STARD13: variants seen among roughly 807,000 people sequenced by gnomAD.
The protein encoded by STARD13 is stAR-related lipid transfer protein 13.
STARD13 carries 62 observed loss-of-function variants against 106.4 expected under a neutral mutation model. That is an observed-to-expected ratio of 0.58 (90% CI 0.48 to 0.72). The LOEUF (loss-of-function observed/expected upper bound fraction) is 0.72, where lower values mean the gene tolerates loss of function less well. STARD13 is among the 30% of genes least tolerant of loss of function. STARD13 has a pLI of 0.00. For missense variants in STARD13, 1,387 were observed against 1,424.0 expected, an observed-to-expected ratio of 0.97 and a Z score of 0.42; for synonymous variants, 565 against 553.0, an observed-to-expected ratio of 1.02 and a Z score of -0.31.
At chr13:33,665,961 C>T in the STARD13 span, among the ~76,000 whole-genome samples, 3 of 152,194 alleles carry the variant, frequency 2.0e-5, no homozygotes, top group Non-Finnish European at 4.4e-5. Context: ...AGAATCCATG[C>T]TTGACCACAG....
the STARD13 span, among the ~76,000 whole-genome samples, chr13:33,423,904 T>C: frequency 6.6e-6 from 1 of 152,022 alleles, no homozygotes; most frequent in Non-Finnish European, 1.5e-5. Flanking sequence ...TGAGAACACT[T>C]GGACACAGGG....
the STARD13 span, among the ~76,000 whole-genome samples, chr13:33,505,633 AT>A: frequency 3.3e-5 from 5 of 152,194 alleles, no homozygotes; most frequent in African/African-American, 1.2e-4. Context: ...ATTTAACTAC[AT>A]CTTTTGTTAA....
chr13:33,564,571 T>G, the STARD13 span, among the ~76,000 whole-genome samples: 1 of 146,984 alleles, frequency 6.8e-6, no homozygotes, highest in Non-Finnish European at 1.5e-5. Flanking sequence ...TAAAGAGATA[T>G]CTACACTCCA....
chr13:33,519,287 C>A, the STARD13 span, among the ~76,000 whole-genome samples: 2 of 121,730 alleles, frequency 1.6e-5, no homozygotes, highest in Non-Finnish European at 3.4e-5. Context: ...CTTTCTCTTT[C>A]TTTCTTTCTC....
At chr13:33,485,459 A>G in the STARD13 span, among the ~76,000 whole-genome samples, 4 of 152,202 alleles carry the variant, frequency 2.6e-5, no homozygotes, top group Non-Finnish European at 5.9e-5. Context: ...TTGTTGGCAT[A>G]AACTCATTAG....
At chr13:33,386,161 G>A in the STARD13 span, among the ~76,000 whole-genome samples, 1 of 152,096 alleles carries the variant, frequency 6.6e-6, no homozygotes, top group Non-Finnish European at 1.5e-5. Flanking sequence ...AAGTGCCATG[G>A]TTCTTTGATT....
chr13:33,572,788 A>G, the STARD13 span, among the ~76,000 whole-genome samples: 1 of 152,194 alleles, frequency 6.6e-6, no homozygotes, highest in African/African-American at 2.4e-5. Context: ...ATCCACAAGA[A>G]TTAAGTGATG....
intron 3 of STARD13, among the ~76,000 whole-genome samples, chr13:33,148,207 A>C (rs1333658235): frequency 6.6e-6 from 1 of 152,266 alleles, no homozygotes; most frequent in African/African-American, 2.4e-5. Flanking sequence ...TGAAAGAAAT[A>C]ACTGATAAAC....
At chr13:33,632,327 C>T in the STARD13 span, among the ~76,000 whole-genome samples, 1 of 152,164 alleles carries the variant, frequency 6.6e-6, no homozygotes, top group Non-Finnish European at 1.5e-5. Context: ...ATATTCAGCA[C>T]TACTTTGACC....
At chr13:33,143,922 T>G (rs1288183983) in intron 3 of STARD13, among the ~76,000 whole-genome samples, 2 of 152,192 alleles carry the variant, frequency 1.3e-5, no homozygotes, top group African/African-American at 4.8e-5. Context: ...GACCTATTAA[T>G]AGCAATAGTC....
chr13:33,267,742 G>C (rs970105133), intron 1 of STARD13, among the ~76,000 whole-genome samples: 1 of 152,224 alleles, frequency 6.6e-6, no homozygotes, highest in African/African-American at 2.4e-5. Flanking sequence ...TTGGCAAAAC[G>C]TAGTTAGATT....
chr13:33,456,430 T>A, the STARD13 span, among the ~76,000 whole-genome samples: 7 of 152,156 alleles, frequency 4.6e-5, no homozygotes, highest in Non-Finnish European at 7.3e-5. Context: ...CCTCAAGAGA[T>A]CTGCCCCCCT....
the STARD13 span, among the ~76,000 whole-genome samples, chr13:33,369,309 C>A: frequency 6.6e-6 from 1 of 151,972 alleles, no homozygotes; most frequent in Non-Finnish European, 1.5e-5. Flanking sequence ...CTTACCTGCT[C>A]CTCGATCTCC....
chr13:33,325,241 A>G (rs1594264701), intron 1 of STARD13, among the ~76,000 whole-genome samples: 1 of 152,278 alleles, frequency 6.6e-6, no homozygotes, highest in East Asian at 1.9e-4. Context: ...GTGAAGGCTC[A>G]GTTTAACTCT....
the STARD13 span, among the ~76,000 whole-genome samples, chr13:33,429,412 C>A: frequency 6.6e-6 from 1 of 151,906 alleles, no homozygotes; most frequent in Non-Finnish European, 1.5e-5. Context: ...CTGGCTAATA[C>A]GGTGAAACCC....
chr13:33,577,647 T>C, the STARD13 span, among the ~76,000 whole-genome samples: 3 of 152,140 alleles, frequency 2.0e-5, no homozygotes, highest in African/African-American at 7.2e-5. Flanking sequence ...TAACAAATGA[T>C]GCTGGACATC....
the STARD13 span, among the ~76,000 whole-genome samples, chr13:33,387,688 G>A: frequency 1.2e-4 from 18 of 152,192 alleles, no homozygotes; most frequent in African/African-American, 4.1e-4. Flanking sequence ...CAGGAGTACC[G>A]CTACTGATGG....
chr13:33,569,404 C>T, the STARD13 span, among the ~76,000 whole-genome samples: 2 of 147,550 alleles, frequency 1.4e-5, no homozygotes, highest in Non-Finnish European at 3.0e-5. Flanking sequence ...TAAGCCTTAT[C>T]GAACCCCTTG....
intron 1 of STARD13, among the ~76,000 whole-genome samples, chr13:33,300,943 C>T (rs1298605039): frequency 6.6e-6 from 1 of 152,180 alleles, no homozygotes; most frequent in Non-Finnish European, 1.5e-5. Flanking sequence ...TGCTAACCAT[C>T]CCTGCAGTGG....
Sources: gnomAD v4.1 joint callset for allele counts (sites outside exome capture counted in the v4.1 genomes callset) on GRCh38, gnomAD v4.1.1 for gene constraint, MANE v1.5 for transcripts, NCBI Gene and HGNC (gene_info 2026-07-23, HGNC 2026-07-21) for gene names.